The following LUZP2 variants were observed in gnomAD, a reference collection of about 807,000 sequenced individuals.
LUZP2 encodes the protein leucine zipper protein 2.
In LUZP2, 52 loss-of-function variants were observed where a neutral mutation model predicts 51.6. That is an observed-to-expected ratio of 1.01 (90% CI 0.81 to 1.27). The LOEUF is 1.27. LUZP2 is among the 50% of genes most tolerant of loss of function. The pLI is 0.00. For missense variants in LUZP2, 436 were observed against 395.4 expected (o/e 1.10, Z -0.87); for synonymous variants, 154 against 137.3 (o/e 1.12, Z -0.85).
intron 1 of LUZP2, among the ~76,000 whole-genome samples, chr11:24,550,891 A>G (rs1046239081): frequency 6.6e-6 from 1 of 151,996 alleles, no homozygotes; most frequent in Admixed American, 6.6e-5. Flanking sequence ...GTGAGCTATG[A>G]TAGATGGGGC....
chr11:24,582,043 C>T (rs1204289878), intron 1 of LUZP2, among the ~76,000 whole-genome samples: 2 of 152,090 alleles, frequency 1.3e-5, no homozygotes, highest in African/African-American at 4.8e-5. Context: ...TATTTTGAAT[C>T]ATTTCATTTT....
intron 5 of LUZP2, among the ~76,000 whole-genome samples, chr11:24,845,016 T>C (rs1376173243): frequency 6.6e-6 from 1 of 152,122 alleles, no homozygotes; most frequent in Non-Finnish European, 1.5e-5. Context: ...AAAGTCCCTA[T>C]TGCAGCACCA....
chr11:24,806,790 C>T (rs756653387), intron 5 of LUZP2, among the ~76,000 whole-genome samples: 37 of 151,834 alleles, frequency 2.4e-4, no homozygotes, highest in Admixed American at 4.6e-4. Context: ...TTACCTCAGA[C>T]AATCTTTGAC....
chr11:24,919,809 T>C (rs1853971105), intron 7 of LUZP2, among the ~76,000 whole-genome samples: 1 of 151,084 alleles, frequency 6.6e-6, no homozygotes, highest in Admixed American at 6.6e-5. Flanking sequence ...TGCTACCTAG[T>C]ACAGGTGATT....
At chr11:25,076,017 A>G (rs558726384) in intron 10 of LUZP2, among the ~76,000 whole-genome samples, 1 of 151,380 alleles carries the variant, frequency 6.6e-6, no homozygotes, top group Non-Finnish European at 1.5e-5. Context: ...TAATAATTAT[A>G]TATATTCTTT....
intron 7 of LUZP2, among the ~76,000 whole-genome samples, chr11:24,969,862 C>T (rs963551276): frequency 6.6e-6 from 1 of 152,078 alleles, no homozygotes; most frequent in African/African-American, 2.4e-5. Flanking sequence ...CAGTCCATCT[C>T]ATGACTTGTT....
At chr11:24,595,331 G>C (rs969008634) in intron 1 of LUZP2, among the ~76,000 whole-genome samples, 1 of 152,106 alleles carries the variant, frequency 6.6e-6, no homozygotes, top group Non-Finnish European at 1.5e-5. Flanking sequence ...TAAAATGTCA[G>C]GTGTTCCAAG....
chr11:24,567,694 G>GA (rs1852289633), intron 1 of LUZP2, among the ~76,000 whole-genome samples: 2 of 151,406 alleles, frequency 1.3e-5, no homozygotes, highest in East Asian at 1.9e-4. Flanking sequence ...ACTGTTGAAT[G>GA]AAAAAAAATA....
intron 1 of LUZP2, among the ~76,000 whole-genome samples, chr11:24,539,099 G>C (rs1250799242): frequency 6.6e-6 from 1 of 151,734 alleles, no homozygotes; most frequent in Non-Finnish European, 1.5e-5. Flanking sequence ...CACTTTTTAT[G>C]TCATATGTTC....
At chr11:24,601,922 A>ATATATGTATATATG (rs1406724194) in intron 1 of LUZP2, among the ~76,000 whole-genome samples, 3 of 66,036 alleles carry the variant, frequency 4.5e-5, no homozygotes, top group Admixed American at 1.7e-4. Flanking sequence ...GTATATATGT[A>ATATATGTATATATG]TATATATGTA....
At chr11:24,585,835 T>A (rs1366560977) in intron 1 of LUZP2, among the ~76,000 whole-genome samples, 2 of 152,146 alleles carry the variant, frequency 1.3e-5, no homozygotes, top group Non-Finnish European at 2.9e-5. Flanking sequence ...ATTAAACCAA[T>A]GTAATATGAT....
At chr11:24,834,997 C>T (rs554120782) in intron 5 of LUZP2, among the ~76,000 whole-genome samples, 1 of 151,944 alleles carries the variant, frequency 6.6e-6, no homozygotes, top group Non-Finnish European at 1.5e-5. Context: ...GATATTAGAC[C>T]CCTGTCAGAT....
chr11:24,764,656 C>T (rs1420464977), intron 5 of LUZP2, among the ~76,000 whole-genome samples: 1 of 151,556 alleles, frequency 6.6e-6, no homozygotes, highest in African/African-American at 2.4e-5. Flanking sequence ...AGAGCAAGAC[C>T]CTGTCTCTAT....
At chr11:24,661,427 A>G (rs1482270196) in intron 1 of LUZP2, among the ~76,000 whole-genome samples, 1 of 152,160 alleles carries the variant, frequency 6.6e-6, no homozygotes, top group Non-Finnish European at 1.5e-5. Flanking sequence ...TTTTAAAACA[A>G]TTATCATCTT....
intron 7 of LUZP2, among the ~76,000 whole-genome samples, chr11:24,925,836 C>G (rs1272377691): frequency 1.3e-5 from 2 of 151,790 alleles, no homozygotes; most frequent in Non-Finnish European, 2.9e-5. Flanking sequence ...TTTGGTGCAT[C>G]CATCACCCAA....
chr11:24,899,485 ATACTT>A (rs1464476151), intron 5 of LUZP2, among the ~76,000 whole-genome samples: 3 of 152,228 alleles, frequency 2.0e-5, no homozygotes, highest in African/African-American at 7.2e-5. Flanking sequence ...TTACATGTAA[ATACTT>A]TAATTGAGAG....
At chr11:25,007,777 T>A (rs1467345404) in intron 9 of LUZP2, among the ~76,000 whole-genome samples, 1 of 152,166 alleles carries the variant, frequency 6.6e-6, no homozygotes, top group Non-Finnish European at 1.5e-5. Context: ...TATATACATA[T>A]GTATCTACTG....
chr11:25,029,102 T>G (rs1241049676), intron 9 of LUZP2, among the ~76,000 whole-genome samples: 1 of 151,938 alleles, frequency 6.6e-6, no homozygotes, highest in Non-Finnish European at 1.5e-5. Context: ...GGGGACCTGG[T>G]GGGTAGGAGG....
Position 24,608,991 on chromosome 11 carries a change from A to G in LUZP2, c.62+111686A>G, listed in dbSNP as rs186702369. ...TTCACAGGTGATAGAGGAGATTATT[A>G]AAAATACAAAGTGGAGATGACTTCT... is the stretch of plus-strand genomic sequence containing the variant. On this transcript the variant is annotated intron_variant, in intron 1 of 11. Transcript: ENST00000336930. Among the ~76,000 whole-genome samples the G allele has an allele frequency of 2.3e-3, 344 of 152,234 alleles. 6 individuals are homozygous for G. The highest frequency in any genetic ancestry group is 7.5e-3 in the African/African-American group (311 of 41,572).
Sources: gnomAD v4.1 joint callset for allele counts (sites outside exome capture counted in the v4.1 genomes callset) on GRCh38, gnomAD v4.1.1 for gene constraint, MANE v1.5 for transcripts, NCBI Gene and HGNC (gene_info 2026-07-23, HGNC 2026-07-21) for gene names.